Variants in COL5A2 observed in about 807,000 individuals in gnomAD.
COL5A2 encodes the protein collagen type V alpha 2 chain.
In COL5A2, 23 loss-of-function variants were observed where a neutral mutation model predicts 208.2. That is an observed-to-expected ratio of 0.11 (90% CI 0.08 to 0.16). The LOEUF is 0.16. Among genes scored for constraint, COL5A2 ranks in the 10% least tolerant of loss-of-function variants. The pLI is 1.00. For synonymous variants in COL5A2, 625 were observed against 628.5 expected, an observed-to-expected ratio of 0.99 and a Z score of 0.08; for missense variants, 1,590 against 1,956.4, an observed-to-expected ratio of 0.81 and a Z score of 3.53.
chr2:189,290,836 A>G, the COL5A2 span, among the ~76,000 whole-genome samples: 1 of 152,082 alleles, frequency 6.6e-6, no homozygotes, highest in East Asian at 1.9e-4. Flanking sequence ...TGAATGGTAC[A>G]ATATCTCAAG....
chr2:189,083,572 C>T (rs909740617), intron 12 of COL5A2, among the ~76,000 whole-genome samples: 1 of 151,374 alleles, frequency 6.6e-6, no homozygotes. Flanking sequence ...ATTATTTAGA[C>T]ATATGTGACA....
At chr2:189,039,810 T>C (rs1009783877) in intron 50 of COL5A2, among the ~76,000 whole-genome samples, 1 of 151,930 alleles carries the variant, frequency 6.6e-6, no homozygotes, top group Non-Finnish European at 1.5e-5. Context: ...TAAATAAAGA[T>C]CAAAGCACAA....
intron 23 of COL5A2, 78 bp downstream of exon 23, chr2:189,066,312 A>T: frequency 7.7e-7 from 1 of 1,292,592 alleles, no homozygotes; most frequent in Non-Finnish European, 1.1e-6. Flanking sequence ...TAACTGTTCT[A>T]GTTTTCCTTA....
At chr2:189,191,088 A>C (rs1167271337) in intron 1 of COL5A2, among the ~76,000 whole-genome samples, 56 of 151,616 alleles carry the variant, frequency 3.7e-4, no homozygotes, top group Admixed American at 3.7e-3. Flanking sequence ...AGAGCTTCAG[A>C]AAATGAATAG....
At chr2:189,191,252 G>A (rs1688924415) in intron 1 of COL5A2, among the ~76,000 whole-genome samples, 1 of 151,398 alleles carries the variant, frequency 6.6e-6, no homozygotes, top group Non-Finnish European at 1.5e-5. Flanking sequence ...AGCTACAACA[G>A]CAGGGACTAA....
chr2:189,082,039 A>G (rs1686545519), intron 12 of COL5A2, among the ~76,000 whole-genome samples: 1 of 152,146 alleles, frequency 6.6e-6, no homozygotes, highest in South Asian at 2.1e-4. Context: ...ACTTAGCCTT[A>G]TGTTTGGTTA....
chr2:189,236,363 A>G, the COL5A2 span, among the ~76,000 whole-genome samples: 1 of 151,814 alleles, frequency 6.6e-6, no homozygotes, highest in Non-Finnish European at 1.5e-5. Context: ...CCTGTTGGAC[A>G]ATATATGTGA....
intron 52 of COL5A2, 113 bp from the exon 53 acceptor site, chr2:189,035,268 T>C: frequency 7.4e-7 from 1 of 1,359,392 alleles, no homozygotes; most frequent in South Asian, 1.3e-5. Flanking sequence ...TTGAAGAGTA[T>C]TACTTTAATT....
At chr2:189,187,958 G>C (rs1688875437) in intron 1 of COL5A2, among the ~76,000 whole-genome samples, 3 of 99,104 alleles carry the variant, frequency 3.0e-5, no homozygotes, top group African/African-American at 6.2e-5. Context: ...AACGGAGCGA[G>C]ACTCTGTCTC....
At chr2:189,308,557 A>G in the COL5A2 span, among the ~76,000 whole-genome samples, 1 of 152,116 alleles carries the variant, frequency 6.6e-6, no homozygotes, top group Admixed American at 6.5e-5. Context: ...GGAGAGAATT[A>G]ACTTAGAGTC....
chr2:189,227,398 G>A (rs562806895), upstream of COL5A2, among the ~76,000 whole-genome samples: 132 of 152,162 alleles, frequency 8.7e-4, no homozygotes, highest in African/African-American at 2.9e-3. Context: ...AAATGTAAAC[G>A]GATGAAATTC....
chr2:189,324,197 A>G, the COL5A2 span, among the ~76,000 whole-genome samples: 1 of 152,080 alleles, frequency 6.6e-6, no homozygotes, highest in South Asian at 2.1e-4. Flanking sequence ...ACTTAGACCT[A>G]AAACCATAAA....
intron 1 of COL5A2, among the ~76,000 whole-genome samples, chr2:189,191,776 TA>T (rs1576581517): frequency 6.6e-6 from 1 of 152,150 alleles, no homozygotes; most frequent in Admixed American, 6.5e-5. Flanking sequence ...AGAGTACTTT[TA>T]TTTTTTTATG....
chr2:189,230,836 C>A, the COL5A2 span, among the ~76,000 whole-genome samples: 3 of 151,882 alleles, frequency 2.0e-5, no homozygotes, highest in African/African-American at 7.2e-5. Flanking sequence ...CAGTTCACTT[C>A]TGGATATTTA....
At chr2:189,137,749 C>T (rs1336850746) in intron 1 of COL5A2, among the ~76,000 whole-genome samples, 1 of 152,102 alleles carries the variant, frequency 6.6e-6, no homozygotes, top group Non-Finnish European at 1.5e-5. Context: ...GTGCAATACT[C>T]ATGAAGGCTT....
chr2:189,067,674 T>C (rs1270324175), intron 21 of COL5A2, among the ~76,000 whole-genome samples: 2 of 152,188 alleles, frequency 1.3e-5, no homozygotes, highest in Non-Finnish European at 2.9e-5. Context: ...TATAAATTCC[T>C]ATTGAAGCTC....
chr2:189,247,736 C>A, the COL5A2 span, among the ~76,000 whole-genome samples: 3 of 151,988 alleles, frequency 2.0e-5, no homozygotes, highest in Non-Finnish European at 4.4e-5. Context: ...CAAGCTTCCA[C>A]ACCCTGCTAA....
intron 1 of COL5A2, among the ~76,000 whole-genome samples, chr2:189,144,467 G>A (rs1687999932): frequency 6.6e-6 from 1 of 151,800 alleles, no homozygotes; most frequent in African/African-American, 2.4e-5. Context: ...GACACTGTAG[G>A]TTGCAGTATC....
intron 1 of COL5A2, among the ~76,000 whole-genome samples, chr2:189,215,848 A>C (rs575823455): frequency 6.6e-6 from 1 of 152,320 alleles, no homozygotes; most frequent in Non-Finnish European, 1.5e-5. Context: ...CTAATGACAT[A>C]GAACTGTAAG....
Sources: gnomAD v4.1 joint callset for allele counts (sites outside exome capture counted in the v4.1 genomes callset) on GRCh38, gnomAD v4.1.1 for gene constraint, MANE v1.5 for transcripts, NCBI Gene and HGNC (gene_info 2026-07-23, HGNC 2026-07-21) for gene names.